Variants in SEMA6A observed in about 807,000 individuals in gnomAD.
The protein encoded by SEMA6A is semaphorin 6A, also known as semaphorin-6A.
Under a neutral mutation model 96.8 loss-of-function variants are expected in SEMA6A, and 25 were observed. The observed-to-expected ratio is 0.26, with a 90% confidence interval of 0.19 to 0.36. SEMA6A has a LOEUF of 0.36. Ranked by LOEUF, SEMA6A falls within the 10% of genes least tolerant of loss-of-function variation. The probability of loss-of-function intolerance (pLI) is 1.00; values close to 1 mark genes in which losing one functional copy is unlikely to be tolerated. For missense variants in SEMA6A, 1,363 were observed against 1,323.1 expected, an observed-to-expected ratio of 1.03 and a Z score of -0.47; for synonymous variants, 612 against 518.0, an observed-to-expected ratio of 1.18 and a Z score of -2.46.
intron 11 of SEMA6A, 64 bp downstream of exon 11, chr5:116,482,380 T>C (rs1382131209): frequency 2.5e-5 from 38 of 1,541,406 alleles, no homozygotes; most frequent in Non-Finnish European, 3.3e-5. Flanking sequence ...GGATGTTCAT[T>C]ATCAGAGGTG....
chr5:116,521,758 G>A (rs1041803811), intron 1 of SEMA6A, among the ~76,000 whole-genome samples: 4 of 152,234 alleles, frequency 2.6e-5, no homozygotes, highest in Non-Finnish European at 4.4e-5. Context: ...ATGTGTGAAA[G>A]GCTGAGAAGT....
At chr5:116,464,188 G>A (rs1440016958) in intron 18 of SEMA6A, among the ~76,000 whole-genome samples, 1 of 152,130 alleles carries the variant, frequency 6.6e-6, no homozygotes, top group Non-Finnish European at 1.5e-5. Context: ...ATAGTTATAG[G>A]AGGAATAAAT....
rs189922245 is a variant in SEMA6A at position 116,562,959 on chromosome 5, C to A, written c.-39+11226G>T. The stretch of plus-strand genomic sequence containing the variant: ...TGGGGTGGATAGAGGACGTCCCCCC[C>A]ATCCTCTCTGACAGCACCCGCAGGA... On this transcript the variant is annotated intron_variant, in intron 1 of 18. Transcript: ENST00000343348. 3,694 of 581,556 alleles carry A rather than the reference C, an allele frequency of 6.4e-3. 40 individuals carry two copies. Among genetic ancestry groups the A allele is most frequent in the South Asian group, 0.022 (1,490 of 68,104 alleles). The allele number at this position is 581,556 out of a possible 1,614,324, so 36.0% of individuals were successfully genotyped here. A position where few individuals can be genotyped will look rare whatever the true frequency, so the allele number is the denominator to read the frequency against.
rs954792165 is a variant in SEMA6A at position 116,483,020 on chromosome 5, T to G, written c.963-445A>C. On this transcript the variant is annotated intron_variant, in intron 10 of 18. Transcript: ENST00000343348. ...CCACATATTGCTTCTTTGAATTTGG[T>G]TTTTCGAGCCAAGAACTTAGGGTGT... Among the ~76,000 whole-genome samples the G allele has an allele frequency of 2.6e-5, 4 of 152,268 alleles. No individual in the cohort carries two copies. In the South Asian group the frequency reaches 8.3e-4, roughly 32 times the overall value.
intron 1 of SEMA6A, among the ~76,000 whole-genome samples, chr5:116,543,600 G>GATTA (rs1311095044): frequency 1.3e-5 from 2 of 152,210 alleles, no homozygotes; most frequent in Non-Finnish European, 2.9e-5. Context: ...GGTCAAGACT[G>GATTA]ATTAATACAT....
intron 17 of SEMA6A, chr5:116,468,099 C>A: frequency 4.6e-6 from 1 of 219,296 alleles, no homozygotes; most frequent in Admixed American, 5.7e-5. Context: ...GCATCTTGCA[C>A]AGTGTCTGAC....
At position 116,467,639 on chromosome 5, in the gene SEMA6A, G is replaced by C; in HGVS notation, c.1838C>G (p.Pro613Arg). The change falls in exon 18 of 19, where the codon CCT (proline) becomes CGT (arginine). Residue 613 changes from proline (P) to arginine (R), a missense_variant. Pro to Arg is a moderately radical substitution (Grantham distance 103). This residue lies in a region of SEMA6A where 883 missense variants were observed against 763.6 expected (regional missense o/e 1.16). Coordinates refer to ENST00000343348, the MANE Select transcript of SEMA6A (RefSeq NM_020796.5). The stretch of plus-strand genomic sequence containing the variant: ...TGCCCCCAAAGGGTCTGTGCTGTCA[G>C]GTGAGTCAAGCAGATGCTTCCAGTC... ...MLDWKHLLDS[P>R]DSTDPLGAVS... 2 of 1,613,654 alleles carry C rather than the reference G, an allele frequency of 1.2e-6. No individual in the cohort carries two copies. Among genetic ancestry groups the C allele is most frequent in the Non-Finnish European group, 1.7e-6 (2 of 1,179,820 alleles).
chr5:116,531,752 A>G (rs930912187), intron 1 of SEMA6A, among the ~76,000 whole-genome samples: 2 of 152,116 alleles, frequency 1.3e-5, no homozygotes, highest in Admixed American at 6.6e-5. Flanking sequence ...AGTAGTTCAC[A>G]TCTGTTCCCC....
At chr5:116,528,405 A>G (rs1318477727) in intron 1 of SEMA6A, among the ~76,000 whole-genome samples, 2 of 152,160 alleles carry the variant, frequency 1.3e-5, no homozygotes, top group Non-Finnish European at 2.9e-5. Flanking sequence ...ATTCGCCTTT[A>G]CAATATCAAG....
At chr5:116,545,583 G>T (rs892057827) in intron 1 of SEMA6A, among the ~76,000 whole-genome samples, 1 of 152,008 alleles carries the variant, frequency 6.6e-6, no homozygotes, top group African/African-American at 2.4e-5. Flanking sequence ...AAAAAAAATT[G>T]CTTCCCTCCT....
chr5:116,519,143 C>CA (rs1263602970), intron 1 of SEMA6A, among the ~76,000 whole-genome samples: 1 of 152,268 alleles, frequency 6.6e-6, no homozygotes, highest in African/African-American at 2.4e-5. Flanking sequence ...GAGAAGAGAG[C>CA]AAAGTGCTGT....
intron 1 of SEMA6A, among the ~76,000 whole-genome samples, chr5:116,541,016 AC>A (rs1166578589): frequency 1.3e-5 from 2 of 152,246 alleles, no homozygotes; most frequent in Non-Finnish European, 2.9e-5. Context: ...TAAGTGACTT[AC>A]GGGGGATATT....
chr5:116,484,190 C>T (rs1260334411), intron 10 of SEMA6A, among the ~76,000 whole-genome samples: 1 of 151,706 alleles, frequency 6.6e-6, no homozygotes, highest in Non-Finnish European at 1.5e-5. Context: ...AACACATTTA[C>T]ATATAGTATT....
intron 18 of SEMA6A, chr5:116,449,826 T>C (rs2303753): frequency 0.049 from 7,510 of 152,586 alleles, 221 homozygotes; most frequent in Middle Eastern, 0.071. Context: ...CGGTAAGATA[T>C]CAAATAATTT....
In SEMA6A at chr5:116,546,565, A is replaced by G. The variant is rs546248152; in HGVS notation, c.-39+27620T>C. 3.3e-5 allele frequency among the ~76,000 whole-genome samples: 5 copies of G among 152,330 alleles called. No homozygotes were observed. In the South Asian group the frequency reaches 1.0e-3, roughly 32 times the overall value. On this transcript the variant is annotated intron_variant, in intron 1 of 18. Coordinates refer to ENST00000343348, the MANE Select transcript of SEMA6A (RefSeq NM_020796.5). Reference sequence around the variant, plus strand: ...AGGCACTCTGGTATCAGGCCTGAGCATCTACATTTCTAATAAGCTTTTGGG... The same window carrying G: ...AGGCACTCTGGTATCAGGCCTGAGCGTCTACATTTCTAATAAGCTTTTGGG...
At chr5:116,499,434 G>T (rs1222944022) in intron 3 of SEMA6A, among the ~76,000 whole-genome samples, 1 of 147,660 alleles carries the variant, frequency 6.8e-6, no homozygotes, top group East Asian at 2.0e-4. Context: ...GGGGGGTGGG[G>T]TGCGGGGAGG....
At chr5:116,569,988 TAC>T (rs372405803) in intron 1 of SEMA6A, among the ~76,000 whole-genome samples, 95 of 152,188 alleles carry the variant, frequency 6.2e-4, no homozygotes, top group African/African-American at 2.1e-3. Context: ...TTTTATATGA[TAC>T]CCTCTATTGG....
chr5:116,524,513 GTCT>G, intron 1 of SEMA6A, among the ~76,000 whole-genome samples: 1 of 151,752 alleles, frequency 6.6e-6, no homozygotes, highest in South Asian at 2.1e-4. Flanking sequence ...TATTTGTATT[GTCT>G]TCTTTTCCTC....
chr5:116,468,755 C>T (rs1291529129), intron 17 of SEMA6A: 2 of 152,166 alleles, frequency 1.3e-5, no homozygotes, highest in Non-Finnish European at 2.9e-5. Flanking sequence ...TATTGGCTTA[C>T]ACAGAACAAC....
Sources: gnomAD v4.1 joint callset for allele counts (sites outside exome capture counted in the v4.1 genomes callset) on GRCh38, gnomAD v4.1.1 for gene constraint, gnomAD v4.1.1 regional missense constraint, MANE v1.5 for transcripts, NCBI Gene and HGNC (gene_info 2026-07-23, HGNC 2026-07-21) for gene names.